The following ASB5 variants were observed in gnomAD, a reference collection of about 807,000 sequenced individuals.
The protein encoded by ASB5 is ankyrin repeat and SOCS box containing 5.
Under a neutral mutation model 42.1 loss-of-function variants are expected in ASB5, and 45 were observed. That is an observed-to-expected ratio of 1.07 (90% CI 0.84 to 1.37). The LOEUF (loss-of-function observed/expected upper bound fraction) is 1.37. Among genes scored for constraint, ASB5 ranks in the 40% most tolerant of loss-of-function variants. The pLI is 0.00. For missense variants in ASB5, 402 were observed against 399.8 expected, an observed-to-expected ratio of 1.01 and a Z score of -0.05; for synonymous variants, 147 against 150.6, an observed-to-expected ratio of 0.98 and a Z score of 0.18.
chr4:176,216,755 A>T (rs2126936534), intron 6 of ASB5, 63 bp downstream of exon 6: 3 of 1,358,684 alleles, frequency 2.2e-6, no homozygotes, highest in Non-Finnish European at 3.0e-6. Flanking sequence ...AAACTCTCTC[A>T]CTTTCATCTA....
At chr4:176,263,215 A>T (rs1754296718) in intron 1 of ASB5, among the ~76,000 whole-genome samples, 1 of 152,158 alleles carries the variant, frequency 6.6e-6, no homozygotes, top group Admixed American at 6.5e-5. Context: ...CCCTTTAGTC[A>T]TGAGTGGAAA....
intron 1 of ASB5, among the ~76,000 whole-genome samples, chr4:176,260,064 A>G (rs1256767484): frequency 6.6e-6 from 1 of 152,264 alleles, no homozygotes; most frequent in Non-Finnish European, 1.5e-5. Flanking sequence ...GGTTCTGTAA[A>G]GATATGTGTA....
intron 1 of ASB5, among the ~76,000 whole-genome samples, chr4:176,240,744 A>C (rs1753793011): frequency 6.6e-6 from 1 of 152,168 alleles, no homozygotes; most frequent in African/African-American, 2.4e-5. Context: ...ACCAATTACA[A>C]ACTTAAAGAG....
rs61756322 is a variant in ASB5 at position 176,215,604 on chromosome 4, C to T, written c.986G>A (p.Arg329Gln). Residue 329 changes from arginine (R) to glutamine (Q), a missense_variant, in exon 7 of 7, where the codon CGA becomes CAA. By Grantham distance (43) the Arg-to-Gln change is conservative (BLOSUM62 1). Transcript: ENST00000296525. ...ATTTAGAATTACTTTACTGTTTTAT[C>T]GATACTGTAAGAAATTCTTCAGTAA... ...PTLLKNFLQY[R>Q] is the part of the protein sequence containing the mutation. The T allele has an allele frequency of 6.5e-4, 1,045 of 1,611,052 alleles. 7 individuals are homozygous for T. In the African/African-American group the frequency reaches 0.012, roughly 18 times the overall value.
intron 1 of ASB5, among the ~76,000 whole-genome samples, chr4:176,255,127 C>T (rs1054166394): frequency 6.6e-6 from 1 of 152,194 alleles, no homozygotes; most frequent in Non-Finnish European, 1.5e-5. Flanking sequence ...AAGACTCCAT[C>T]TTCAAAGAAA....
rs549826548 is a variant in ASB5 at position 176,260,994 on chromosome 4, A to G, written c.196+7919T>C. ...CGGCAAGAAATGCGAAAAGTTCTAC[A>G]TCACTAGTAAGCAAATGCTTTCTGT... On this transcript the variant is annotated intron_variant, in intron 1 of 6. Coordinates refer to ENST00000296525, the MANE Select transcript of ASB5 (RefSeq NM_080874.4). Among the ~76,000 whole-genome samples, 54 of 152,318 alleles carry G rather than the reference A, an allele frequency of 3.5e-4. 1 individual carries two copies. Among genetic ancestry groups the G allele is most frequent in the Middle Eastern group, 6.8e-3 (2 of 294 alleles).
intron 1 of ASB5, among the ~76,000 whole-genome samples, chr4:176,258,639 T>G (rs984576921): frequency 2.0e-5 from 3 of 152,186 alleles, no homozygotes; most frequent in African/African-American, 7.2e-5. Flanking sequence ...AGCCTTAGGT[T>G]AATTATAAAG....
At chr4:176,271,065 C>A (rs767465017), upstream of ASB5, among the ~76,000 whole-genome samples, 14 of 152,132 alleles carry the variant, frequency 9.2e-5, no homozygotes, top group Non-Finnish European at 1.8e-4. Flanking sequence ...CTGGAATCAT[C>A]GGTGCATTAA....
At chr4:176,266,108 C>T (rs1249539240) in intron 1 of ASB5, among the ~76,000 whole-genome samples, 2 of 151,992 alleles carry the variant, frequency 1.3e-5, no homozygotes, top group Non-Finnish European at 2.9e-5. Flanking sequence ...TAAAAAAAAC[C>T]ACCAGATATT....
chr4:176,237,630 G>T, intron 1 of ASB5: 1 of 937,308 alleles, frequency 1.1e-6, no homozygotes, highest in Non-Finnish European at 1.3e-6. Flanking sequence ...TGGAGGATGG[G>T]CCAGAAATGC....
Position 176,221,247 on chromosome 4 carries a change from T to C in ASB5, c.578A>G (p.Asp193Gly), listed in dbSNP as rs1052214117. 2 of 1,614,004 alleles carry C rather than the reference T, an allele frequency of 1.2e-6. No individual in the cohort carries two copies. Among genetic ancestry groups the C allele is most frequent in the Non-Finnish European group, 8.5e-7 (1 of 1,180,006 alleles). ...CAAATGAGGAATTTCTTGGTCAACA[T>C]CTATGCCCCAGGATATCAGGATGTC... ...CLDILISWGI[D>G]VDQEIPHLGT... The change falls in exon 5 of 7, where the codon GAT (aspartate) becomes GGT (glycine). Residue 193 changes from aspartate (D) to glycine (G), a missense_variant. Transcript: ENST00000296525.
chr4:176,266,171 C>T (rs1279145327), intron 1 of ASB5, among the ~76,000 whole-genome samples: 1 of 152,082 alleles, frequency 6.6e-6, no homozygotes, highest in East Asian at 1.9e-4. Flanking sequence ...TTAACAGTTG[C>T]TTTTATTTCA....
intron 1 of ASB5, among the ~76,000 whole-genome samples, chr4:176,229,362 T>C (rs551852464): frequency 6.6e-6 from 1 of 152,284 alleles, no homozygotes; most frequent in Non-Finnish European, 1.5e-5. Context: ...TAAGGGGAAG[T>C]AAAGCTAACA....
At chr4:176,222,473 T>A in intron 2 of ASB5, 53 bp from the exon 3 acceptor site, 2 of 1,409,230 alleles carry the variant, frequency 1.4e-6, no homozygotes. Flanking sequence ...ACTTAAAAAA[T>A]CATCTATATG....
intron 1 of ASB5, among the ~76,000 whole-genome samples, chr4:176,276,427 G>A (rs1400999555): frequency 6.6e-6 from 1 of 152,086 alleles, no homozygotes; most frequent in Non-Finnish European, 1.5e-5. Context: ...CTGGTGTTAG[G>A]AAATATATCC....
chr4:176,240,471 G>C lies in ASB5; in HGVS notation c.197-15130C>G, dbSNP rs903458893. 1.6e-4 allele frequency among the ~76,000 whole-genome samples: 24 copies of C among 152,246 alleles called. 1 individual carries two copies. Among genetic ancestry groups the C allele is most frequent in the African/African-American group, 5.5e-4 (23 of 41,546 alleles). On this transcript the variant is annotated intron_variant, in intron 1 of 6. Transcript: ENST00000296525. Reference sequence around the variant, plus strand: ...GGGAAAGTGATGTTAAAGCTGGAAAGTTTCAAAGAAGGGCACTGGAAACCA... The same window carrying C: ...GGGAAAGTGATGTTAAAGCTGGAAACTTTCAAAGAAGGGCACTGGAAACCA...
rs562321909 is a variant in ASB5 at position 176,234,126 on chromosome 4, T to C, written c.197-8785A>G. Among the ~76,000 whole-genome samples, 10 of 152,344 alleles carry C rather than the reference T, an allele frequency of 6.6e-5. No homozygotes were observed. The South Asian group carries it at 1.7e-3, about 25-fold the overall frequency. ...AAAAGTCTCCTAACTAGTCAGTGTG[T>C]TTCTGCCCATGCCCTTCCAGTAGTC... On this transcript the variant is annotated intron_variant, in intron 1 of 6. Coordinates refer to ENST00000296525, the MANE Select transcript of ASB5 (RefSeq NM_080874.4).
At chr4:176,218,508 G>GATATATAAAT (rs1491409820) in intron 5 of ASB5, among the ~76,000 whole-genome samples, 1 of 31,030 alleles carries the variant, frequency 3.2e-5, no homozygotes, top group Non-Finnish European at 6.3e-5. Flanking sequence ...ATATTTGTAT[G>GATATATAAAT]ATATATATAT....
intron 1 of ASB5, among the ~76,000 whole-genome samples, chr4:176,253,471 T>A (rs565433365): frequency 1.3e-5 from 2 of 152,336 alleles, no homozygotes; most frequent in South Asian, 4.1e-4. Context: ...GCATTCCTGC[T>A]GAGAACTGGA....
Sources: gnomAD v4.1 joint callset for allele counts (sites outside exome capture counted in the v4.1 genomes callset) on GRCh38, gnomAD v4.1.1 for gene constraint, MANE v1.5 for transcripts, NCBI Gene and HGNC (gene_info 2026-07-23, HGNC 2026-07-21) for gene names.